The following BCAS3 variants were observed in gnomAD, a reference collection of about 807,000 sequenced individuals.
BCAS3 encodes BCAS4/BCAS3 fusion.
In BCAS3, 53 loss-of-function variants were observed where a neutral mutation model predicts 116.1. The ratio of observed to expected loss-of-function variants is 0.46; its 90% CI spans 0.37 to 0.57. The LOEUF (loss-of-function observed/expected upper bound fraction) is 0.57. Among genes scored for constraint, BCAS3 ranks in the 20% least tolerant of loss-of-function variants. The pLI, the probability that BCAS3 is intolerant of heterozygous loss-of-function variation, is 0.00. For synonymous variants in BCAS3, 391 were observed against 408.2 expected (o/e 0.96, Z 0.51); for missense variants, 917 against 1,165.4 (o/e 0.79, Z 3.10).
chr17:60,952,361 C>T (rs2060890824), intron 14 of BCAS3, among the ~76,000 whole-genome samples: 1 of 151,392 alleles, frequency 6.6e-6, no homozygotes, highest in African/African-American at 2.4e-5. Flanking sequence ...GCTCTGTTGC[C>T]CAGGCTGGAG....
intron 7 of BCAS3, among the ~76,000 whole-genome samples, chr17:60,819,751 C>G (rs1336646476): frequency 6.6e-6 from 1 of 151,984 alleles, no homozygotes. Context: ...TACCCTCCCC[C>G]TCTCCTTCCT....
intron 22 of BCAS3, among the ~76,000 whole-genome samples, chr17:61,304,783 C>T (rs1438460740): frequency 2.7e-5 from 4 of 149,490 alleles, no homozygotes; most frequent in Admixed American, 2.0e-4. Flanking sequence ...GGCGGAGTTT[C>T]GCTCTTGTCG....
At chr17:61,317,018 C>T (rs2054805655) in intron 22 of BCAS3, among the ~76,000 whole-genome samples, 1 of 152,190 alleles carries the variant, frequency 6.6e-6, no homozygotes, top group Admixed American at 6.5e-5. Context: ...GAGGCTTCAA[C>T]AGTTCTGAGA....
intron 22 of BCAS3, among the ~76,000 whole-genome samples, chr17:61,153,420 T>C (rs1177281732): frequency 6.6e-6 from 1 of 152,210 alleles, no homozygotes; most frequent in Non-Finnish European, 1.5e-5. Flanking sequence ...TTCTCTGTTT[T>C]CTTACTATTT....
In BCAS3 at chr17:60,709,688, A is replaced by C. The variant is rs547304582; in HGVS notation, c.321+363A>C. On this transcript the variant is annotated intron_variant, in intron 5 of 23. Coordinates refer to ENST00000407086, the MANE Select transcript of BCAS3 (RefSeq NM_017679.5). ...ACAGGCGTGAGCCACTGCACCCAGC[A>C]TATGTCTGTGTATCTTTATAGGATA... is the stretch of plus-strand genomic sequence containing the variant. The C allele has an allele frequency of 2.0e-4, 47 of 235,672 alleles. No homozygotes were observed. In the South Asian group the frequency reaches 2.2e-3, roughly 11 times the overall value. The allele number at this position is 235,672 out of a possible 1,614,324, so 14.6% of individuals were successfully genotyped here. A position where few individuals can be genotyped will look rare whatever the true frequency, so the allele number is the denominator to read the frequency against.
rs558021291 is a variant in BCAS3, at chr17:61,367,037, C to T, written c.2426-1290C>T. 2.0e-5 allele frequency among the ~76,000 whole-genome samples: 3 copies of T among 152,216 alleles called. No individual in the cohort carries two copies. The highest frequency in any genetic ancestry group is 4.8e-5 in the African/African-American group (2 of 41,458). ...AGGACCGCCTGCCGAGGCTGGGGCT[C>T]GCACCCTCTCTATTACCACCTGTCA... is the stretch of plus-strand genomic sequence containing the variant. On this transcript the variant is annotated intron_variant, in intron 22 of 23. Transcript: ENST00000407086. The surrounding 1 kb of genome is among the most constrained non-coding windows in gnomAD (Gnocchi z 6.2).
chr17:60,889,627 C>T (rs1331361511), intron 9 of BCAS3, 68 bp from the exon 10 acceptor site: 7 of 1,255,282 alleles, frequency 5.6e-6, no homozygotes, highest in Admixed American at 1.9e-5. Context: ...TTTCTGGCAT[C>T]GATATATGAT....
At chr17:61,109,028 A>T (rs1446364054) in intron 22 of BCAS3, among the ~76,000 whole-genome samples, 2 of 152,026 alleles carry the variant, frequency 1.3e-5, no homozygotes, top group Non-Finnish European at 2.9e-5. Flanking sequence ...TCTACTAAAA[A>T]TACAAAAATG....
At chr17:61,254,968 A>G (rs11658956) in intron 22 of BCAS3, among the ~76,000 whole-genome samples, 102,807 of 151,862 alleles carry the variant, frequency 0.68, 40,009 homozygotes, top group Non-Finnish European at 0.85. Context: ...AAATTCTGAC[A>G]TTGCCTGGTT....
chr17:60,745,243 C>A (rs1391181852), intron 5 of BCAS3, among the ~76,000 whole-genome samples: 1 of 151,486 alleles, frequency 6.6e-6, no homozygotes, highest in Admixed American at 6.6e-5. Flanking sequence ...AATGTAAGTT[C>A]TATGGTATTA....
intron 14 of BCAS3, among the ~76,000 whole-genome samples, chr17:60,978,547 T>C (rs2062577502): frequency 6.7e-6 from 1 of 150,132 alleles, no homozygotes; most frequent in Admixed American, 6.6e-5. Context: ...TTGCCATTGC[T>C]TTTGGTGTTT....
Position 61,286,581 on chromosome 17 carries a change from CCAG to C in BCAS3, c.2426-81742_2426-81740del, listed in dbSNP as rs1285884122. On this transcript the variant is annotated intron_variant, in intron 22 of 23. Transcript: ENST00000407086. This position sits in a 1 kb window ranked among gnomAD's most constrained non-coding sequence, Gnocchi z 4.8. ...ACATGTCAGAATAGGGATTTTCACACCAGCAGAGAGTGCTAACAGTGTGCCAGG... is the reference window on the plus strand; with the variant it reads ...ACATGTCAGAATAGGGATTTTCACACCAGAGAGTGCTAACAGTGTGCCAGG... Among the ~76,000 whole-genome samples, 2 of 152,130 alleles carry C rather than the reference CCAG, an allele frequency of 1.3e-5. No homozygotes were observed. The highest frequency in any genetic ancestry group is 1.3e-4 in the Admixed American group (2 of 15,278).
chr17:61,271,549 G>C (rs1236140214), intron 22 of BCAS3, among the ~76,000 whole-genome samples: 1 of 149,306 alleles, frequency 6.7e-6, no homozygotes, highest in African/African-American at 2.5e-5. Flanking sequence ...TCAGCCTCCT[G>C]GGTAGCTGGG....
At chr17:60,980,041 C>T (rs189294366) in intron 14 of BCAS3, among the ~76,000 whole-genome samples, 3,104 of 152,122 alleles carry the variant, frequency 0.02, 49 homozygotes, top group Non-Finnish European at 0.032. Flanking sequence ...CCCTCTTTTT[C>T]TATTGATTGG....
rs2076072070 is a variant in BCAS3 at position 61,126,860 on chromosome 17, TTAC to T, written c.2425+42301_2425+42303del. ...TGGGAAAAATATTACAACCGTATCA[TTAC>T]TACTTTGAATACAGGAATGTCTTAC... On this transcript the variant is annotated intron_variant, in intron 22 of 23. Transcript: ENST00000407086. The surrounding 1 kb of genome is among the most constrained non-coding windows in gnomAD (Gnocchi z 4.6). 1.3e-5 allele frequency among the ~76,000 whole-genome samples: 2 copies of T among 152,160 alleles called. No homozygotes were observed. The highest frequency in any genetic ancestry group is 1.3e-4 in the Admixed American group (2 of 15,276).
intron 14 of BCAS3, among the ~76,000 whole-genome samples, chr17:60,953,415 G>GT (rs199687529): frequency 0.047 from 7,093 of 150,044 alleles, 523 homozygotes; most frequent in African/African-American, 0.16. Context: ...GGGGTTTTTT[G>GT]TTTTTTTTTC....
At chr17:61,119,177 C>A (rs1676742695) in intron 22 of BCAS3, among the ~76,000 whole-genome samples, 1 of 152,106 alleles carries the variant, frequency 6.6e-6, no homozygotes, top group South Asian at 2.1e-4. Flanking sequence ...CTATTGAGGA[C>A]AGGGTTTTTC....
chr17:61,038,016 A>G lies in BCAS3; in HGVS notation c.1890A>G (p.Glu630=), dbSNP rs755781914. 7.4e-6 allele frequency: 12 copies of G among 1,614,034 alleles called. No homozygotes were observed. Among genetic ancestry groups the G allele is most frequent in the African/African-American group, 4.0e-5 (3 of 74,930 alleles). ...AGATTAGTGACGACACACCACTGGA[A>G]ATGATGACATCGCCTCGAGCCAGCT... ...APKISDDTPL[E]MMTSPRASWT... is the part of the protein sequence containing the mutation. Residue 630 remains glutamate, a synonymous_variant, in exon 18 of 24, where the codon GAA becomes GAG. Coordinates refer to ENST00000407086, the MANE Select transcript of BCAS3 (RefSeq NM_017679.5).
At position 61,241,481 on chromosome 17, in the gene BCAS3, G is replaced by A. The variant is rs1602130523; in HGVS notation, c.2426-126846G>A. 2.6e-5 allele frequency among the ~76,000 whole-genome samples: 4 copies of A among 152,172 alleles called. No homozygotes were observed. The highest frequency in any genetic ancestry group is 2.4e-5 in the African/African-American group (1 of 41,502). On this transcript the variant is annotated intron_variant, in intron 22 of 23. Coordinates refer to ENST00000407086, the MANE Select transcript of BCAS3 (RefSeq NM_017679.5). This position sits in a 1 kb window ranked among gnomAD's most constrained non-coding sequence, Gnocchi z 4.6. ...AATCCCAACACTTTGGGAGGCCGAG[G>A]CAGGCGGATCACGAGGTCAGGAGAT... is the stretch of plus-strand genomic sequence containing the variant.
Sources: allele counts gnomAD v4.1 joint callset (sites outside exome capture counted in the v4.1 genomes callset), GRCh38; gene constraint gnomAD v4.1.1; non-coding constraint Gnocchi (gnomAD v3.1); transcripts MANE v1.5; gene names NCBI Gene and HGNC (gene_info 2026-07-23, HGNC 2026-07-21).